The following ITPRID1 variants were observed in gnomAD, a reference collection of about 807,000 sequenced individuals.
ITPRID1 encodes the protein ITPR interacting domain containing 1.
Under a neutral mutation model 95.4 loss-of-function variants are expected in ITPRID1, and 96 were observed. That is an observed-to-expected ratio of 1.01 (90% confidence interval 0.85 to 1.19). ITPRID1 has a LOEUF of 1.19. Ranked by LOEUF, ITPRID1 falls within the 50% of genes most tolerant of loss-of-function variation. The pLI is 0.00. For synonymous variants in ITPRID1, 510 were observed against 453.6 expected, an observed-to-expected ratio of 1.12 and a Z score of -1.58; for missense variants, 1,339 against 1,252.9, an observed-to-expected ratio of 1.07 and a Z score of -1.04.
At chr7:31,515,182 TATAGG>T (rs1230487848) in intron 1 of ITPRID1, among the ~76,000 whole-genome samples, 1 of 152,032 alleles carries the variant, frequency 6.6e-6, no homozygotes, top group Non-Finnish European at 1.5e-5. Context: ...AAAAAATTGT[TATAGG>T]AATACCTTTT....
In ITPRID1 at chr7:31,616,032, C is replaced by T. The variant is rs143620784; in HGVS notation, c.1229-26144C>T. Among the ~76,000 whole-genome samples, 706 of 152,088 alleles carry T rather than the reference C, an allele frequency of 4.6e-3. 19 individuals are homozygous for T. The East Asian group carries it at 0.076, about 16-fold the overall frequency. On this transcript the variant is annotated intron_variant, in intron 10 of 14. Coordinates refer to ENST00000615280, the MANE Select transcript of ITPRID1 (RefSeq NM_001257967.3). ...TGCTGGGATTACAGGTGTGAGCCAC[C>T]GCACCCAGCCGAGTTTACTGAGAAT...
intron 8 of ITPRID1, among the ~76,000 whole-genome samples, chr7:31,576,707 G>A (rs538525814): frequency 6.6e-6 from 1 of 152,118 alleles, no homozygotes; most frequent in Non-Finnish European, 1.5e-5. Flanking sequence ...GAAAAAGGTA[G>A]GCACTGGCTC....
chr7:31,552,030 A>G (rs1275505827), intron 2 of ITPRID1: 5 of 357,934 alleles, frequency 1.4e-5, no homozygotes, highest in Admixed American at 3.1e-5. Flanking sequence ...AGAGATACAT[A>G]AATGAGTAAG....
rs994398112 is a variant in ITPRID1, at chr7:31,551,565, A to G, written c.-23-1437A>G. On this transcript the variant is annotated intron_variant, in intron 2 of 14. Coordinates refer to ENST00000615280, the MANE Select transcript of ITPRID1 (RefSeq NM_001257967.3). ...TGTCTTCATTTTTGTTTTTTAACAT[A>G]AAATTGACAGCCATCATAATTATTG... Among the ~76,000 whole-genome samples, 9 of 143,616 alleles carry G rather than the reference A, an allele frequency of 6.3e-5. 2 individuals are homozygous for G. The highest frequency in any genetic ancestry group is 1.4e-4 in the Admixed American group (2 of 14,280). 94.2% of individuals were successfully genotyped at this position (143,616 alleles called of 152,430 possible). A position where few individuals can be genotyped will look rare whatever the true frequency, so the allele number is the denominator to read the frequency against.
At chr7:31,563,388 A>AGAG (rs1784689561) in intron 5 of ITPRID1, among the ~76,000 whole-genome samples, 1 of 152,128 alleles carries the variant, frequency 6.6e-6, no homozygotes, top group African/African-American at 2.4e-5. Context: ...AAATCCAGAA[A>AGAG]GAGGGAATAA....
rs1791225125 is a variant in ITPRID1 at position 31,654,961 on chromosome 7, A to G, written c.*2132A>G. Reference sequence around the variant, plus strand: ...TTGGGACCACCACACTATTTTTCCCATGGACTTAACATTCTCAGAGCGTGG... The same window carrying G: ...TTGGGACCACCACACTATTTTTCCCGTGGACTTAACATTCTCAGAGCGTGG... On this transcript the variant is annotated 3_prime_UTR_variant, in exon 15 of 15. Transcript: ENST00000615280. Among the ~76,000 whole-genome samples, 1 of 152,028 alleles carries G rather than the reference A, an allele frequency of 6.6e-6. No individual in the cohort carries two copies. The highest frequency in any genetic ancestry group is 2.1e-4 in the South Asian group (1 of 4,828).
chr7:31,515,759 T>C (rs1323710359), intron 1 of ITPRID1, among the ~76,000 whole-genome samples: 1 of 152,198 alleles, frequency 6.6e-6, no homozygotes, highest in Non-Finnish European at 1.5e-5. Context: ...TTGTATTGTT[T>C]AAAATGTTTG....
intron 10 of ITPRID1, among the ~76,000 whole-genome samples, chr7:31,588,294 G>T (rs1785709450): frequency 2.0e-5 from 3 of 152,048 alleles, no homozygotes; most frequent in Admixed American, 2.0e-4. Flanking sequence ...TTTTTATTTT[G>T]AGGGTTGGCT....
At chr7:31,606,796 C>A (rs1485557826) in intron 10 of ITPRID1, among the ~76,000 whole-genome samples, 2 of 151,966 alleles carry the variant, frequency 1.3e-5, no homozygotes, top group African/African-American at 4.8e-5. Flanking sequence ...AAATTGTTTT[C>A]TTTCTGGTTA....
At chr7:31,525,759 T>C (rs1391440350) in intron 1 of ITPRID1, among the ~76,000 whole-genome samples, 1 of 152,178 alleles carries the variant, frequency 6.6e-6, no homozygotes, top group African/African-American at 2.4e-5. Context: ...TAGTGGAACA[T>C]AGAGCAATTT....
intron 4 of ITPRID1, 31 bp downstream of exon 4, chr7:31,554,554 T>C: frequency 6.2e-7 from 1 of 1,609,698 alleles, no homozygotes; most frequent in Non-Finnish European, 8.5e-7. Context: ...GTGCCTTACA[T>C]GTTTCTCTTG....
chr7:31,631,684 G>A (rs999092900), intron 10 of ITPRID1, among the ~76,000 whole-genome samples: 14 of 152,262 alleles, frequency 9.2e-5, no homozygotes, highest in African/African-American at 3.4e-4. Flanking sequence ...GGAAAGAAGG[G>A]AGGAAGAAAG....
chr7:31,650,593 G>A (rs1316667336), intron 12 of ITPRID1, among the ~76,000 whole-genome samples: 1 of 152,130 alleles, frequency 6.6e-6, no homozygotes, highest in Non-Finnish European at 1.5e-5. Context: ...CTTCCTCAGG[G>A]TGGGCTTGTT....
Position 31,642,237 on chromosome 7 carries a change from G to T in ITPRID1, c.1290G>T (p.Pro430=). 6.4e-7 allele frequency: 1 copy of T among 1,553,772 alleles called. No homozygotes were observed. Among genetic ancestry groups the T allele is most frequent in the Non-Finnish European group, 8.7e-7 (1 of 1,148,662 alleles). ...QSDSSGFLEE[P]LEPLPLQMPS... is the part of the protein sequence containing the mutation. The stretch of plus-strand genomic sequence containing the variant: ...ACAGCAGCGGGTTCCTGGAGGAGCC[G>T]CTGGAACCGCTGCCCCTCCAGGTAG... Residue 430 remains proline (P), a synonymous_variant, in exon 11 of 15, where the codon CCG becomes CCT. Transcript: ENST00000615280.
chr7:31,558,831 T>G lies in ITPRID1; in HGVS notation c.256+3930T>G, dbSNP rs541679620. Among the ~76,000 whole-genome samples the G allele has an allele frequency of 4.6e-5, 7 of 152,238 alleles. No individual in the cohort carries two copies. In the South Asian group the frequency reaches 1.5e-3, roughly 32 times the overall value. On this transcript the variant is annotated intron_variant, in intron 5 of 14. Transcript: ENST00000615280. ...TTGTCATTAAGTTTATCTCTAACTT[T>G]TCTTTACTTCTGTGAGCCAATTTTG...
chr7:31,547,579 G>A (rs983671337), intron 1 of ITPRID1, among the ~76,000 whole-genome samples: 3 of 152,086 alleles, frequency 2.0e-5, no homozygotes, highest in African/African-American at 4.8e-5. Context: ...CCCTCGATAT[G>A]GGGACTATAG....
rs772554550 is a variant in ITPRID1, at chr7:31,643,413, T to C, written c.2043T>C (p.Ser681=). ...ATCCTGCCCAGGTGAAGTCAAGGTC[T>C]GGTACTTTGGGTCAGATACTACCTG... is the stretch of plus-strand genomic sequence containing the variant. ...PGDPAQVKSR[S]GTLGQILPGT... is the part of the protein sequence containing the mutation. Residue 681 remains serine, a synonymous_variant, in exon 12 of 15, where the codon TCT becomes TCC. Transcript: ENST00000615280. 6.2e-7 allele frequency: 1 copy of C among 1,613,996 alleles called. No individual in the cohort carries two copies. Among genetic ancestry groups the C allele is most frequent in the South Asian group, 1.1e-5 (1 of 91,082 alleles).
rs963286352 is a variant in ITPRID1 at position 31,637,720 on chromosome 7, T to C, written c.1229-4456T>C. 1.3e-4 allele frequency among the ~76,000 whole-genome samples: 20 copies of C among 152,226 alleles called. 1 individual carries two copies. Among genetic ancestry groups the C allele is most frequent in the Middle Eastern group, 6.3e-3 (2 of 316 alleles). On this transcript the variant is annotated intron_variant, in intron 10 of 14. Coordinates refer to ENST00000615280, the MANE Select transcript of ITPRID1 (RefSeq NM_001257967.3). ...ACTCTGATGGTAGTTTCTATTGCTG[T>C]GCAGAAGCTCTTTAGTTTGATTAGA...
At position 31,655,676 on chromosome 7, in the gene ITPRID1, C is replaced by A; in HGVS notation, c.*2847C>A. The stretch of plus-strand genomic sequence containing the variant: ...TTTTTGCCACATCCCCATCTTGGCT[C>A]CTATATCATGGCTCAGCTCCCAGCC... On this transcript the variant is annotated 3_prime_UTR_variant, in exon 15 of 15. Coordinates refer to ENST00000615280, the MANE Select transcript of ITPRID1 (RefSeq NM_001257967.3). The A allele has an allele frequency of 1.1e-6, 1 of 948,738 alleles. No homozygotes were observed. The highest frequency in any genetic ancestry group is 1.3e-6 in the Non-Finnish European group (1 of 796,174). The allele number at this position is 948,738 out of a possible 1,614,324, so 58.8% of individuals were successfully genotyped here. A position where few individuals can be genotyped will look rare whatever the true frequency, so the allele number is the denominator to read the frequency against.
Sources: allele counts gnomAD v4.1 joint callset (sites outside exome capture counted in the v4.1 genomes callset), GRCh38; gene constraint gnomAD v4.1.1; transcripts MANE v1.5; gene names NCBI Gene and HGNC (gene_info 2026-07-23, HGNC 2026-07-21).